The following IMMP2L variants were observed in gnomAD, a reference collection of about 807,000 sequenced individuals.
IMMP2L encodes mitochondrial inner membrane protease subunit 2.
IMMP2L carries 18 observed loss-of-function variants against 19.3 expected under a neutral mutation model. That is an observed-to-expected ratio of 0.93 (90% CI 0.64 to 1.38). The LOEUF is 1.38. Among genes scored for constraint, IMMP2L ranks in the 40% most tolerant of loss-of-function variants. IMMP2L has a pLI of 0.00. For synonymous variants in IMMP2L, 76 were observed against 73.0 expected, an observed-to-expected ratio of 1.04 and a Z score of -0.21; for missense variants, 233 against 218.2, an observed-to-expected ratio of 1.07 and a Z score of -0.43.
At chr7:110,867,341 C>A (rs532761400) in intron 5 of IMMP2L, among the ~76,000 whole-genome samples, 6 of 151,906 alleles carry the variant, frequency 3.9e-5, no homozygotes, top group African/African-American at 1.2e-4. Flanking sequence ...GACCTCATTA[C>A]CCCGCAAAGT....
At chr7:110,879,342 T>C (rs183312195) in intron 5 of IMMP2L, among the ~76,000 whole-genome samples, 9 of 151,760 alleles carry the variant, frequency 5.9e-5, no homozygotes, top group Non-Finnish European at 1.0e-4. Context: ...GAGCTGAGAT[T>C]GTGCCACTGT....
At chr7:111,042,748 G>T (rs543466704) in intron 3 of IMMP2L, among the ~76,000 whole-genome samples, 1 of 152,242 alleles carries the variant, frequency 6.6e-6, no homozygotes, top group South Asian at 2.1e-4. Context: ...GGGATTTCAG[G>T]ATTTTAAAGA....
At position 111,213,176 on chromosome 7, in the gene IMMP2L, G is replaced by A. The variant is rs1811517601; in HGVS notation, c.240-249611C>T. Among the ~76,000 whole-genome samples, 1 of 152,218 alleles carries A rather than the reference G, an allele frequency of 6.6e-6. No individual in the cohort carries two copies. Among genetic ancestry groups the A allele is most frequent in the African/African-American group, 2.4e-5 (1 of 41,460 alleles). On this transcript the variant is annotated intron_variant, in intron 3 of 5. Coordinates refer to ENST00000405709, the MANE Select transcript of IMMP2L (RefSeq NM_032549.4). This position sits in a 1 kb window ranked among gnomAD's most constrained non-coding sequence, Gnocchi z 4.8. ...TGCTGTCACTGCCTCGCCTCTCCTT[G>A]CTCCCTGCACTTGCTCCGATCTTGG...
intron 5 of IMMP2L, among the ~76,000 whole-genome samples, chr7:110,730,771 C>T (rs1009770844): frequency 3.9e-4 from 60 of 152,250 alleles, no homozygotes; most frequent in African/African-American, 1.3e-3. Flanking sequence ...GTGATCCACC[C>T]GCCTCAGCCT....
intron 3 of IMMP2L, among the ~76,000 whole-genome samples, chr7:111,141,704 T>C (rs1802912981): frequency 6.6e-6 from 1 of 152,086 alleles, no homozygotes; most frequent in South Asian, 2.1e-4. Context: ...CAATCAATCA[T>C]ATTTAACCAG....
At chr7:111,504,280 C>G (rs1844637351) in intron 2 of IMMP2L, among the ~76,000 whole-genome samples, 1 of 152,130 alleles carries the variant, frequency 6.6e-6, no homozygotes, top group African/African-American at 2.4e-5. Context: ...TGAAAGACCT[C>G]TTCAAGGAGA....
intron 3 of IMMP2L, among the ~76,000 whole-genome samples, chr7:111,078,097 C>T (rs73201067): frequency 1.1e-4 from 16 of 152,264 alleles, no homozygotes; most frequent in Admixed American, 2.0e-4. Context: ...TTTACTTGCA[C>T]GTTTATCGTT....
intron 5 of IMMP2L, among the ~76,000 whole-genome samples, chr7:110,876,145 C>T (rs369115563): frequency 9.7e-4 from 148 of 152,126 alleles, no homozygotes; most frequent in Non-Finnish European, 1.7e-3. Flanking sequence ...TATTTGTGTA[C>T]GTTTTAAATA....
chr7:111,141,688 C>T lies in IMMP2L; in HGVS notation c.240-178123G>A, dbSNP rs376473861. Among the ~76,000 whole-genome samples, 43 of 152,214 alleles carry T rather than the reference C, an allele frequency of 2.8e-4. 1 individual carries two copies. The highest frequency in any genetic ancestry group is 1.6e-3 in the East Asian group (8 of 5,158). ...ATTTCAATGAGGACAGATGAACACA[C>T]GTGCTCAATCAATCATATTTAACCA... On this transcript the variant is annotated intron_variant, in intron 3 of 5. Coordinates refer to ENST00000405709, the MANE Select transcript of IMMP2L (RefSeq NM_032549.4).
intron 3 of IMMP2L, among the ~76,000 whole-genome samples, chr7:111,253,829 G>A (rs1816408099): frequency 6.6e-6 from 1 of 152,134 alleles, no homozygotes; most frequent in Non-Finnish European, 1.5e-5. Flanking sequence ...GAAAGTAACT[G>A]AAGAGCCCCA....
intron 3 of IMMP2L, among the ~76,000 whole-genome samples, chr7:111,135,586 ACT>A (rs1403526286): frequency 6.6e-6 from 1 of 152,174 alleles, no homozygotes; most frequent in Non-Finnish European, 1.5e-5. Flanking sequence ...AAAGTTCTTG[ACT>A]TGAAATCCCA....
chr7:111,554,085 TCTAAGC>T (rs1790983587), intron 1 of IMMP2L, among the ~76,000 whole-genome samples: 1 of 152,154 alleles, frequency 6.6e-6, no homozygotes, highest in Admixed American at 6.6e-5. Context: ...AGCCTTTTCT[TCTAAGC>T]CATGTTTTAG....
intron 3 of IMMP2L, among the ~76,000 whole-genome samples, chr7:111,063,254 T>A (rs184359394): frequency 6.6e-6 from 1 of 152,326 alleles, no homozygotes; most frequent in Non-Finnish European, 1.5e-5. Flanking sequence ...GCTTGTGCCC[T>A]CTAAAGCCAC....
At chr7:111,475,991 A>AG (rs1841685746) in intron 3 of IMMP2L, among the ~76,000 whole-genome samples, 1 of 152,130 alleles carries the variant, frequency 6.6e-6, no homozygotes, top group Middle Eastern at 3.2e-3. Flanking sequence ...TATGCAACAT[A>AG]GTTTTCTGAT....
intron 5 of IMMP2L, among the ~76,000 whole-genome samples, chr7:110,851,430 A>G (rs1806216381): frequency 6.6e-6 from 1 of 152,146 alleles, no homozygotes; most frequent in Non-Finnish European, 1.5e-5. Flanking sequence ...GGGAGACAGG[A>G]GACAGCAGAT....
intron 3 of IMMP2L, among the ~76,000 whole-genome samples, chr7:111,467,990 A>G (rs142333926): frequency 0.013 from 2,049 of 152,280 alleles, 48 homozygotes; most frequent in African/African-American, 0.046. Context: ...CTAACATCTC[A>G]TCTCATCTCA....
intron 5 of IMMP2L, among the ~76,000 whole-genome samples, chr7:110,666,910 C>T (rs1791497238): frequency 6.6e-6 from 1 of 152,078 alleles, no homozygotes. Context: ...TAAGGGTGTA[C>T]TTGTAGGCCG....
At chr7:111,014,778 T>C (rs978460944) in intron 3 of IMMP2L, among the ~76,000 whole-genome samples, 2 of 152,124 alleles carry the variant, frequency 1.3e-5, no homozygotes, top group African/African-American at 2.4e-5. Flanking sequence ...GAATAGATAT[T>C]TCTGCAAATA....
intron 4 of IMMP2L, among the ~76,000 whole-genome samples, chr7:110,904,245 T>A (rs1303445031): frequency 6.6e-6 from 1 of 152,218 alleles, no homozygotes; most frequent in East Asian, 1.9e-4. Flanking sequence ...CTGTAGAAGA[T>A]TTTTAGTTGA....
Sources: allele counts gnomAD v4.1 joint callset (sites outside exome capture counted in the v4.1 genomes callset), GRCh38; gene constraint gnomAD v4.1.1; non-coding constraint Gnocchi (gnomAD v3.1); transcripts MANE v1.5; gene names NCBI Gene and HGNC (gene_info 2026-07-23, HGNC 2026-07-21).